ZNF385B: variants seen among roughly 807,000 people sequenced by gnomAD.
The protein encoded by ZNF385B is zinc finger protein 533.
A neutral mutation model predicts 39.2 loss-of-function variants in ZNF385B; 23 were observed. The observed-to-expected ratio is 0.59, with a 90% CI of 0.42 to 0.83. The LOEUF is 0.83. ZNF385B is among the 40% of genes least tolerant of loss of function. The pLI is 0.00. For missense variants in ZNF385B, 552 were observed against 598.9 expected (o/e 0.92, Z 0.82); for synonymous variants, 205 against 222.6 (o/e 0.92, Z 0.70).
chr2:179,733,717 A>G (rs1174885412), intron 3 of ZNF385B, among the ~76,000 whole-genome samples: 1 of 146,772 alleles, frequency 6.8e-6, no homozygotes, highest in Non-Finnish European at 1.5e-5. Context: ...CGGGAGGCGG[A>G]GCTTGCAGTA....
chr2:179,717,471 G>A (rs1700404271), intron 3 of ZNF385B, among the ~76,000 whole-genome samples: 1 of 152,224 alleles, frequency 6.6e-6, no homozygotes, highest in Non-Finnish European at 1.5e-5. Context: ...AGTGGCTCAT[G>A]CCTGTAATCC....
chr2:179,817,665 C>CTGTGTGTG (rs3085981), intron 1 of ZNF385B, among the ~76,000 whole-genome samples: 277 of 149,640 alleles, frequency 1.9e-3, no homozygotes, highest in East Asian at 5.5e-3. Flanking sequence ...GTGTAACCCT[C>CTGTGTGTG]TGTGTGTGTG....
chr2:179,520,178 A>T (rs984477801), intron 4 of ZNF385B, among the ~76,000 whole-genome samples: 1 of 152,124 alleles, frequency 6.6e-6, no homozygotes, highest in African/African-American at 2.4e-5. Flanking sequence ...TCTTAAAAAA[A>T]AAAATGCTAA....
chr2:179,594,087 C>T (rs1043600216), intron 3 of ZNF385B, among the ~76,000 whole-genome samples: 1 of 152,150 alleles, frequency 6.6e-6, no homozygotes, highest in African/African-American at 2.4e-5. Flanking sequence ...AAATCAGTTA[C>T]TAAGGGAAGG....
At chr2:179,671,083 T>A (rs1174721086) in intron 3 of ZNF385B, among the ~76,000 whole-genome samples, 1 of 152,230 alleles carries the variant, frequency 6.6e-6, no homozygotes, top group Non-Finnish European at 1.5e-5. Context: ...CAGCAAATGC[T>A]TGGTGAATAT....
intron 1 of ZNF385B, among the ~76,000 whole-genome samples, chr2:179,846,386 G>A (rs984739669): frequency 5.3e-5 from 8 of 152,290 alleles, no homozygotes; most frequent in East Asian, 1.9e-4. Flanking sequence ...GAAATTTGCC[G>A]ACACAAGGTG....
chr2:179,836,556 G>A (rs995235145), intron 1 of ZNF385B, among the ~76,000 whole-genome samples: 5 of 135,058 alleles, frequency 3.7e-5, no homozygotes, highest in African/African-American at 1.4e-4. Context: ...CTGTCGCCCA[G>A]GCCAGACTGC....
chr2:179,660,804 A>G (rs1694379369), intron 3 of ZNF385B, among the ~76,000 whole-genome samples: 1 of 152,220 alleles, frequency 6.6e-6, no homozygotes, highest in African/African-American at 2.4e-5. Context: ...CAAAAGAAGA[A>G]TACATAGCAT....
intron 3 of ZNF385B, among the ~76,000 whole-genome samples, chr2:179,720,622 A>G (rs909469819): frequency 1.6e-4 from 25 of 152,140 alleles, no homozygotes; most frequent in African/African-American, 5.1e-4. Flanking sequence ...AAGCATATCA[A>G]TTATCTCTAT....
At chr2:179,711,132 C>T (rs759778415) in intron 3 of ZNF385B, among the ~76,000 whole-genome samples, 9 of 152,110 alleles carry the variant, frequency 5.9e-5, no homozygotes, top group Admixed American at 3.3e-4. Flanking sequence ...TCTTAACTGC[C>T]GCCCAGGTGG....
chr2:179,605,845 A>T (rs1032389311), intron 3 of ZNF385B, among the ~76,000 whole-genome samples: 4 of 152,144 alleles, frequency 2.6e-5, no homozygotes, highest in Non-Finnish European at 4.4e-5. Context: ...TAGGGTCCCA[A>T]ATCAAGGCAG....
chr2:179,470,707 A>G (rs1348306438), intron 6 of ZNF385B, among the ~76,000 whole-genome samples: 1 of 152,218 alleles, frequency 6.6e-6, no homozygotes, highest in Non-Finnish European at 1.5e-5. Context: ...GTTAGCCTGT[A>G]GCAAATCTGA....
chr2:179,593,108 T>A (rs1687711195), intron 3 of ZNF385B, among the ~76,000 whole-genome samples: 1 of 152,146 alleles, frequency 6.6e-6, no homozygotes. Context: ...ATGATAAAAA[T>A]GGATTACTTG....
chr2:179,694,714 G>A (rs1165356790), intron 3 of ZNF385B, among the ~76,000 whole-genome samples: 1 of 152,162 alleles, frequency 6.6e-6, no homozygotes, highest in Non-Finnish European at 1.5e-5. Context: ...CAGATCATTT[G>A]AGGTCAGGAG....
intron 6 of ZNF385B, among the ~76,000 whole-genome samples, chr2:179,456,766 C>A (rs1429868166): frequency 1.3e-5 from 2 of 152,060 alleles, no homozygotes; most frequent in Admixed American, 6.5e-5. Flanking sequence ...CAATAATAAT[C>A]ACAAATCAAC....
intron 5 of ZNF385B, among the ~76,000 whole-genome samples, chr2:179,487,812 AAG>A (rs1455944760): frequency 1.3e-5 from 2 of 152,234 alleles, no homozygotes; most frequent in East Asian, 1.9e-4. Flanking sequence ...CAGAATTAGA[AAG>A]AGTCGCCCAA....
Position 179,483,411 on chromosome 2 carries a change from T to C in ZNF385B, c.576A>G (p.Lys192=). The C allele has an allele frequency of 6.2e-7, 1 of 1,614,028 alleles. No homozygotes were observed. The highest frequency in any genetic ancestry group is 8.5e-7 in the Non-Finnish European group (1 of 1,179,898). Residue 192 remains lysine, a synonymous_variant, in exon 6 of 10, where the codon AAA becomes AAG. Transcript: ENST00000410066. ...TGACCTTCTTGGCATGTTTACTTCCTTTGTAGTGGGCCTCGGCCTGGCTCT... is the reference window on the plus strand; with the variant it reads ...TGACCTTCTTGGCATGTTTACTTCCCTTGTAGTGGGCCTCGGCCTGGCTCT... ...NSDSQAEAHY[K]GSKHAKKVKA...
At chr2:179,654,200 C>T (rs967842777) in intron 3 of ZNF385B, among the ~76,000 whole-genome samples, 1 of 152,068 alleles carries the variant, frequency 6.6e-6, no homozygotes, top group African/African-American at 2.4e-5. Context: ...TTTAAAATAT[C>T]CTGTGTATTG....
chr2:179,487,395 G>C (rs2054694411), intron 5 of ZNF385B, among the ~76,000 whole-genome samples: 1 of 152,252 alleles, frequency 6.6e-6, no homozygotes, highest in Admixed American at 6.5e-5. Flanking sequence ...CCATTCTCCT[G>C]TGGTATTCTT....
Sources: allele counts gnomAD v4.1 joint callset (sites outside exome capture counted in the v4.1 genomes callset), GRCh38; gene constraint gnomAD v4.1.1; transcripts MANE v1.5; gene names NCBI Gene and HGNC (gene_info 2026-07-23, HGNC 2026-07-21).